The following PALM2AKAP2 variants were observed in gnomAD, a reference collection of about 807,000 sequenced individuals.
PALM2AKAP2 encodes PALM2 and AKAP2 fusion, also known as PALM2-AKAP2 fusion protein.
PALM2AKAP2 carries 37 observed loss-of-function variants against 71.5 expected under a neutral mutation model. That is an observed-to-expected ratio of 0.52 (90% confidence interval 0.40 to 0.68). PALM2AKAP2 has a LOEUF of 0.68. Ranked by LOEUF, PALM2AKAP2 falls within the 30% of genes least tolerant of loss-of-function variation. PALM2AKAP2 has a pLI of 0.00. For missense variants in PALM2AKAP2, 1,224 were observed against 1,191.8 expected (o/e 1.03, Z -0.40); for synonymous variants, 468 against 478.8 (o/e 0.98, Z 0.29).
At chr9:110,150,291 A>G (rs139854409) in intron 2 of PALM2AKAP2, among the ~76,000 whole-genome samples, 2 of 152,326 alleles carry the variant, frequency 1.3e-5, no homozygotes, top group East Asian at 3.9e-4. Context: ...CATCCAGTCT[A>G]TGGTATTTTA....
intron 6 of PALM2AKAP2, among the ~76,000 whole-genome samples, chr9:109,947,511 G>A (rs1369853126): frequency 6.6e-6 from 1 of 152,236 alleles, no homozygotes; most frequent in Admixed American, 6.5e-5. Flanking sequence ...GGTAGCAAAA[G>A]AGGAGGGAGG....
chr9:110,063,062 A>G (rs970919984), intron 1 of PALM2AKAP2, among the ~76,000 whole-genome samples: 2 of 152,142 alleles, frequency 1.3e-5, no homozygotes, highest in African/African-American at 4.8e-5. Context: ...TGTCTGTGCT[A>G]TCTTATGTAA....
At chr9:109,648,548 G>A (rs1031093991) in intron 1 of PALM2AKAP2, among the ~76,000 whole-genome samples, 10 of 152,182 alleles carry the variant, frequency 6.6e-5, no homozygotes, top group African/African-American at 1.9e-4. Flanking sequence ...AAGCACATTA[G>A]GAGACTGGAG....
intron 1 of PALM2AKAP2, among the ~76,000 whole-genome samples, chr9:109,713,841 C>G (rs1055330893): frequency 6.6e-6 from 1 of 152,130 alleles, no homozygotes; most frequent in African/African-American, 2.4e-5. Context: ...GATATTTTTA[C>G]ATATTACATT....
chr9:109,992,484 T>C (rs1832502557), intron 6 of PALM2AKAP2, among the ~76,000 whole-genome samples: 1 of 152,194 alleles, frequency 6.6e-6, no homozygotes, highest in Non-Finnish European at 1.5e-5. Context: ...AGTGCAGTGG[T>C]GTGATCATGA....
chr9:110,147,448 G>A (rs922961457), intron 2 of PALM2AKAP2, among the ~76,000 whole-genome samples: 1 of 152,096 alleles, frequency 6.6e-6, no homozygotes, highest in African/African-American at 2.4e-5. Context: ...TTGAGACAGG[G>A]CCTGGTACAT....
At chr9:110,157,333 A>G (rs1836482045) in intron 3 of PALM2AKAP2, among the ~76,000 whole-genome samples, 1 of 152,112 alleles carries the variant, frequency 6.6e-6, no homozygotes, top group African/African-American at 2.4e-5. Flanking sequence ...TTTACCTGAG[A>G]CAGTCCTGGC....
intron 7 of PALM2AKAP2, among the ~76,000 whole-genome samples, chr9:110,017,360 A>G (rs1374247450): frequency 1.3e-5 from 2 of 152,282 alleles, no homozygotes; most frequent in African/African-American, 4.8e-5. Context: ...TGATTAGTCA[A>G]AAAGTCAACT....
intron 1 of PALM2AKAP2, among the ~76,000 whole-genome samples, chr9:109,725,920 A>G (rs899972613): frequency 6.6e-6 from 1 of 152,286 alleles, no homozygotes; most frequent in Admixed American, 6.5e-5. Context: ...TTTTGCTAAC[A>G]TACCCTCTTA....
intron 1 of PALM2AKAP2, among the ~76,000 whole-genome samples, chr9:110,065,349 C>T (rs999642287): frequency 6.6e-6 from 1 of 152,128 alleles, no homozygotes; most frequent in South Asian, 2.1e-4. Flanking sequence ...CCACCTCAGC[C>T]TCCTGAGAGG....
intron 3 of PALM2AKAP2, among the ~76,000 whole-genome samples, chr9:109,890,946 CT>C (rs1405194348): frequency 6.6e-6 from 1 of 152,156 alleles, no homozygotes; most frequent in Non-Finnish European, 1.5e-5. Flanking sequence ...TTTGTTCCTC[CT>C]ATGCAGAAAG....
intron 1 of PALM2AKAP2, among the ~76,000 whole-genome samples, chr9:109,806,943 C>G (rs1827592001): frequency 6.6e-6 from 1 of 152,094 alleles, no homozygotes; most frequent in Non-Finnish European, 1.5e-5. Context: ...ATTACTCTGG[C>G]TGATGTGGTG....
At chr9:109,745,743 C>T (rs546520420) in intron 1 of PALM2AKAP2, among the ~76,000 whole-genome samples, 9 of 152,240 alleles carry the variant, frequency 5.9e-5, no homozygotes, top group South Asian at 4.1e-4. Flanking sequence ...CACATGAGCA[C>T]GCAGTGGTGT....
chr9:109,977,831 C>T (rs1335233963), intron 6 of PALM2AKAP2, among the ~76,000 whole-genome samples: 1 of 152,108 alleles, frequency 6.6e-6, no homozygotes, highest in Non-Finnish European at 1.5e-5. Flanking sequence ...CCTTTGACTC[C>T]CAAGCTCTGT....
intron 6 of PALM2AKAP2, among the ~76,000 whole-genome samples, chr9:109,981,568 T>C (rs1832271197): frequency 6.6e-6 from 1 of 152,226 alleles, no homozygotes; most frequent in Admixed American, 6.5e-5. Flanking sequence ...AATTAACACA[T>C]AAATGTTGCT....
chr9:110,077,374 C>T (rs1370802477), intron 1 of PALM2AKAP2, among the ~76,000 whole-genome samples: 2 of 152,158 alleles, frequency 1.3e-5, no homozygotes, highest in Non-Finnish European at 2.9e-5. Flanking sequence ...ACATTCATTT[C>T]GAGGTTGTAC....
intron 3 of PALM2AKAP2, among the ~76,000 whole-genome samples, chr9:110,165,284 T>TCATTCACA (rs1836707228): frequency 7.0e-6 from 1 of 142,270 alleles, no homozygotes; most frequent in Admixed American, 7.0e-5. Context: ...TGCTAGAGAT[T>TCATTCACA]CACACACACA....
In PALM2AKAP2 at chr9:109,863,046, T is replaced by C. The variant is rs1328885006; in HGVS notation, c.46-4445T>C. The stretch of plus-strand genomic sequence containing the variant: ...GGCAATGGGGAGACATCCTTGGTTT[T>C]AGGCAAGGGTCGGAGGTGGTCAGAT... On this transcript the variant is annotated intron_variant, in intron 1 of 9. Transcript: ENST00000302798. The C allele has an allele frequency of 2.0e-5, 9 of 450,406 alleles. No homozygotes were observed. In the East Asian group the frequency reaches 6.2e-4, roughly 31 times the overall value. The allele number at this position is 450,406 out of a possible 1,614,324, so 27.9% of individuals were successfully genotyped here.
At chr9:109,724,687 G>T (rs977302130) in intron 1 of PALM2AKAP2, among the ~76,000 whole-genome samples, 2 of 151,992 alleles carry the variant, frequency 1.3e-5, no homozygotes, top group Admixed American at 1.3e-4. Flanking sequence ...CCCTCTGAAG[G>T]GTGTCTTGTT....
Sources: gnomAD v4.1 joint callset for allele counts (sites outside exome capture counted in the v4.1 genomes callset) on GRCh38, gnomAD v4.1.1 for gene constraint, MANE v1.5 for transcripts, NCBI Gene and HGNC (gene_info 2026-07-23, HGNC 2026-07-21) for gene names.